Variants in TNFSF4 observed in about 807,000 individuals in gnomAD.
TNFSF4 encodes the protein TNF superfamily member 4, also known as tumor necrosis factor ligand superfamily member 4.
Under a neutral mutation model 7.3 loss-of-function variants are expected in TNFSF4, and 4 were observed. The observed-to-expected ratio is 0.55, with a 90% CI of 0.27 to 1.25. TNFSF4 has a LOEUF of 1.25. Among genes scored for constraint, TNFSF4 ranks in the 50% most tolerant of loss-of-function variants. The probability of loss-of-function intolerance (pLI) is 0.12; values close to 1 mark genes in which losing one functional copy is unlikely to be tolerated. For synonymous variants in TNFSF4, 76 were observed against 83.7 expected, an observed-to-expected ratio of 0.91 and a Z score of 0.50; for missense variants, 181 against 208.8, an observed-to-expected ratio of 0.87 and a Z score of 0.82.
At chr1:173,263,187 T>C in the TNFSF4 span, among the ~76,000 whole-genome samples, 131 of 152,348 alleles carry the variant, frequency 8.6e-4, no homozygotes, top group Middle Eastern at 0.014. Context: ...AGAATCAATA[T>C]GGTGAAATGG....
At chr1:173,416,608 T>TTTTATTTATTATTTATTTA in the TNFSF4 span, among the ~76,000 whole-genome samples, 3 of 121,942 alleles carry the variant, frequency 2.5e-5, no homozygotes, top group African/African-American at 6.2e-5. Flanking sequence ...ATTTTTTTAT[T>TTTTATTTATTATTTATTTA]TTTATTTATT....
the TNFSF4 span, among the ~76,000 whole-genome samples, chr1:173,309,924 A>C: frequency 1.3e-5 from 2 of 151,872 alleles, no homozygotes; most frequent in African/African-American, 4.8e-5. Flanking sequence ...TTTGTTAATA[A>C]TGTATCCTTT....
the TNFSF4 span, chr1:173,440,533 T>C: frequency 6.6e-6 from 1 of 152,204 alleles, no homozygotes; most frequent in African/African-American, 2.4e-5. Context: ...ATGCTGTTCT[T>C]CCACACTATA....
the TNFSF4 span, among the ~76,000 whole-genome samples, chr1:173,426,072 C>G: frequency 7.9e-5 from 12 of 152,264 alleles, no homozygotes; most frequent in Admixed American, 7.8e-4. Flanking sequence ...CATGCTGTAT[C>G]AATAGAAGTT....
At chr1:173,274,986 A>T in the TNFSF4 span, among the ~76,000 whole-genome samples, 142 of 152,196 alleles carry the variant, frequency 9.3e-4, 1 homozygote, top group Non-Finnish European at 1.8e-3. Flanking sequence ...CTATTTTGCT[A>T]TAGCGTCATT....
At chr1:173,201,016 T>C (rs1296534464) in intron 1 of TNFSF4, among the ~76,000 whole-genome samples, 1 of 152,232 alleles carries the variant, frequency 6.6e-6, no homozygotes, top group East Asian at 1.9e-4. Context: ...ATGCCAGGAA[T>C]ATTCCCCAAT....
At chr1:173,408,761 T>C in the TNFSF4 span, among the ~76,000 whole-genome samples, 2 of 152,070 alleles carry the variant, frequency 1.3e-5, no homozygotes, top group African/African-American at 2.4e-5. Flanking sequence ...CTAAATTTTG[T>C]ATTTTTAGTA....
At chr1:173,377,693 C>T in the TNFSF4 span, among the ~76,000 whole-genome samples, 2 of 152,164 alleles carry the variant, frequency 1.3e-5, no homozygotes, top group Non-Finnish European at 2.9e-5. Flanking sequence ...ACTCTATTCC[C>T]TTCTTTAGGC....
the TNFSF4 span, among the ~76,000 whole-genome samples, chr1:173,401,020 G>C: frequency 7.1e-6 from 1 of 141,214 alleles, no homozygotes; most frequent in Non-Finnish European, 1.5e-5. Context: ...TTGTGTGTGT[G>C]CATATATATA....
the TNFSF4 span, among the ~76,000 whole-genome samples, chr1:173,324,574 G>C: frequency 1.2e-4 from 19 of 152,282 alleles, no homozygotes; most frequent in Non-Finnish European, 2.6e-4. Context: ...CTAGCAAATT[G>C]AATAAAGAGT....
the TNFSF4 span, among the ~76,000 whole-genome samples, chr1:173,315,741 T>C: frequency 1.3e-5 from 2 of 152,144 alleles, no homozygotes; most frequent in Non-Finnish European, 2.9e-5. Flanking sequence ...TTGTGTCAGA[T>C]TGTTTATTTT....
chr1:173,439,130 T>C, the TNFSF4 span, among the ~76,000 whole-genome samples: 2 of 151,918 alleles, frequency 1.3e-5, no homozygotes, highest in African/African-American at 2.4e-5. Flanking sequence ...CCTGGAGGAG[T>C]AGATTGAGTT....
At chr1:173,333,548 C>T in the TNFSF4 span, among the ~76,000 whole-genome samples, 3 of 151,930 alleles carry the variant, frequency 2.0e-5, no homozygotes, top group Non-Finnish European at 4.4e-5. Context: ...ATGGGGCCCC[C>T]GTGATGGGAA....
At chr1:173,238,827 T>G in the TNFSF4 span, among the ~76,000 whole-genome samples, 1 of 151,820 alleles carries the variant, frequency 6.6e-6, no homozygotes, top group Non-Finnish European at 1.5e-5. Flanking sequence ...GTTCAGTCAT[T>G]GTGGAGTGAA....
chr1:173,378,368 G>C, the TNFSF4 span, among the ~76,000 whole-genome samples: 4 of 152,190 alleles, frequency 2.6e-5, no homozygotes, highest in Non-Finnish European at 5.9e-5. Flanking sequence ...AGGGTCCAGG[G>C]ACCGTTGTGG....
the TNFSF4 span, among the ~76,000 whole-genome samples, chr1:173,370,140 C>T: frequency 8.6e-4 from 131 of 152,226 alleles, no homozygotes; most frequent in Admixed American, 5.2e-4. Context: ...GCAGACCTGG[C>T]GAAGCTTTCA....
chr1:173,186,659 A>C lies in TNFSF4; in HGVS notation c.409T>G (p.Ser137Ala), dbSNP rs761920841. The change falls in exon 3 of 3, where the codon TCC becomes GCC. Residue 137 changes from serine to alanine, a missense_variant. Physicochemically the swap from Ser to Ala is moderately conservative, Grantham distance 99. Transcript: ENST00000281834. Reference protein sequence around the residue: ...FQLKKVRSVNSLMVASLTYKD... With the variant: ...FQLKKVRSVNALMVASLTYKD... ...TAAGTCAGAGAGGCCACCATCAAGGAGTTGACAGACCTGACCTTCTTCAGT... is the reference window on the plus strand; with the variant it reads ...TAAGTCAGAGAGGCCACCATCAAGGCGTTGACAGACCTGACCTTCTTCAGT... 4.3e-6 allele frequency: 7 copies of C among 1,614,080 alleles called. No homozygotes were observed. Among genetic ancestry groups the C allele is most frequent in the Non-Finnish European group, 1.7e-6 (2 of 1,180,028 alleles).
intron 1 of TNFSF4, among the ~76,000 whole-genome samples, chr1:173,204,481 C>T (rs1334817278): frequency 1.3e-5 from 2 of 152,030 alleles, no homozygotes; most frequent in Non-Finnish European, 2.9e-5. Flanking sequence ...AGCTGACGGC[C>T]AAATGGAGCT....
the TNFSF4 span, among the ~76,000 whole-genome samples, chr1:173,219,997 G>A: frequency 6.6e-6 from 1 of 151,570 alleles, no homozygotes. Context: ...TGCCACTACA[G>A]AACTTATCCA....
Sources: gnomAD v4.1 joint callset for allele counts (sites outside exome capture counted in the v4.1 genomes callset) on GRCh38, gnomAD v4.1.1 for gene constraint, MANE v1.5 for transcripts, NCBI Gene and HGNC (gene_info 2026-07-23, HGNC 2026-07-21) for gene names.